The following TOP3B variants were observed in gnomAD, a reference collection of about 807,000 sequenced individuals.
The protein encoded by TOP3B is DNA topoisomerase III beta.
In TOP3B, 45 loss-of-function variants were observed where a neutral mutation model predicts 93.9. The observed-to-expected ratio is 0.48, with a 90% CI of 0.38 to 0.61. TOP3B has a LOEUF of 0.61. TOP3B is among the 20% of genes least tolerant of loss of function. The pLI is 0.00. For missense variants in TOP3B, 750 were observed against 1,156.1 expected (o/e 0.65, Z 5.09); for synonymous variants, 357 against 472.6 (o/e 0.76, Z 3.17).
At chr22:21,958,005 T>G (rs1389580991) in intron 17 of TOP3B, 1 of 1,334,730 alleles carries the variant, frequency 7.5e-7, no homozygotes, top group Non-Finnish European at 9.8e-7. Context: ...GACTGAGGCC[T>G]GAGGGAGCTT....
intron 9 of TOP3B, 147 bp from the exon 10 acceptor site, chr22:21,964,462 G>A: frequency 1.1e-6 from 1 of 913,236 alleles, no homozygotes; most frequent in Admixed American, 2.5e-5. Flanking sequence ...GGAGTGCAAA[G>A]CTGCTGGCCG....
In TOP3B at chr22:21,975,698, C is replaced by T. The variant is rs1282406394; in HGVS notation, c.12G>A (p.Val4=). The change falls in exon 2 of 18, where the codon GTG becomes GTA. Residue 4 remains valine (V), a synonymous_variant. Coordinates refer to ENST00000357179, the MANE Select transcript of TOP3B (RefSeq NM_001282112.2). The part of the protein sequence containing the change: MKT[V]LMVAEKPSLA... ...AGGACGGCTTTTCAGCAACCATGAG[C>T]ACAGTCTTCATTTTGTCTCGGTCCT... is the stretch of plus-strand genomic sequence containing the variant. 4 of 1,611,562 alleles carry T rather than the reference C, an allele frequency of 2.5e-6. No individual in the cohort carries two copies. The highest frequency in any genetic ancestry group is 3.4e-6 in the Non-Finnish European group (4 of 1,178,314).
At chr22:21,965,402 G>C in intron 8 of TOP3B, 27 bp from the exon 9 acceptor site, 1 of 1,528,226 alleles carries the variant, frequency 6.5e-7, no homozygotes, top group Non-Finnish European at 9.0e-7. Flanking sequence ...TCAATGATTT[G>C]GGGAAGGAGG....
chr22:21,968,986 CAG>C (rs2071525211), intron 6 of TOP3B: 2 of 565,178 alleles, frequency 3.5e-6, no homozygotes, highest in Admixed American at 6.1e-5. Context: ...AGAGAGGAGA[CAG>C]AGGTTTCTAC....
Position 21,959,725 on chromosome 22 carries a change from C to T in TOP3B, c.1666G>A (p.Val556Met). 1.2e-6 allele frequency: 2 copies of T among 1,612,932 alleles called. No individual in the cohort carries two copies. Among genetic ancestry groups the T allele is most frequent in the Non-Finnish European group, 1.7e-6 (2 of 1,179,774 alleles). ...ACTGCACTGCGGATGGTGGGGAGCA[C>T]CAGCTCTGCATCTGCAAGTGGGCAG... ...HGYYKIDAEL[V>M]LPTIRSAVEK... is the part of the protein sequence containing the mutation. Residue 556 changes from valine to methionine, a missense_variant, in exon 15 of 18, where the codon GTG becomes ATG. Physicochemically the swap from Val to Met is conservative, Grantham distance 21. Coordinates refer to ENST00000357179, the MANE Select transcript of TOP3B (RefSeq NM_001282112.2).
intron 15 of TOP3B, 160 bp from the exon 16 acceptor site, chr22:21,959,392 C>G: frequency 6.7e-7 from 1 of 1,482,794 alleles, no homozygotes; most frequent in South Asian, 1.4e-5. Flanking sequence ...GTCAGAGGCA[C>G]GTGTTCCTGG....
Position 21,972,056 on chromosome 22 carries a change from TCA to T in TOP3B, c.310-107_310-106del. On this transcript the variant is annotated intron_variant, in intron 4 of 17. Transcript: ENST00000357179. ...AGGGCTTGGTCCCAGGCCCTGAACCTCAGTTAGGAGGACTGGTACCTGGGCTG... is the reference window on the plus strand; with the variant it reads ...AGGGCTTGGTCCCAGGCCCTGAACCTGTTAGGAGGACTGGTACCTGGGCTG... 3.2e-6 allele frequency: 3 copies of T among 944,554 alleles called. No homozygotes were observed. In the East Asian group the frequency reaches 8.0e-5, roughly 25 times the overall value. The allele number at this position is 944,554 out of a possible 1,614,324, so 58.5% of individuals were successfully genotyped here. A position where few individuals can be genotyped will look rare whatever the true frequency, so the allele number is the denominator to read the frequency against.
intron 2 of TOP3B, 116 bp downstream of exon 2, chr22:21,975,524 A>C (rs1601860506): frequency 8.3e-7 from 1 of 1,208,356 alleles, no homozygotes; most frequent in Non-Finnish European, 1.1e-6. Context: ...CTTCATTACC[A>C]CCTGCCGACC....
intron 1 of TOP3B, among the ~76,000 whole-genome samples, chr22:21,978,653 C>T (rs11703249): frequency 0.043 from 6,489 of 152,116 alleles, 324 homozygotes; most frequent in East Asian, 0.22. Context: ...CACTTCAGGG[C>T]AGTTATCACC....
chr22:21,962,067 A>G, intron 13 of TOP3B: 1 of 1,159,282 alleles, frequency 8.6e-7, no homozygotes, highest in Non-Finnish European at 1.1e-6. Context: ...ACCTGATTTC[A>G]GGACAGCCCA....
chr22:21,973,609 T>G (rs2071739561), intron 3 of TOP3B: 2 of 151,932 alleles, frequency 1.3e-5, no homozygotes, highest in African/African-American at 4.8e-5. Context: ...CACCTGCCAG[T>G]TGGAGATAAA....
intron 10 of TOP3B, 46 bp downstream of exon 10, chr22:21,964,115 C>A (rs774666492): frequency 1.2e-6 from 2 of 1,612,076 alleles, no homozygotes; most frequent in Non-Finnish European, 1.7e-6. Flanking sequence ...GGTCCCAAGG[C>A]CTCAGTGACA....
chr22:21,979,511 T>C (rs1052162068), intron 1 of TOP3B, among the ~76,000 whole-genome samples: 4 of 152,006 alleles, frequency 2.6e-5, no homozygotes, highest in Non-Finnish European at 5.9e-5. Context: ...AGGGCAGCGC[T>C]GGAGTGGCCT....
rs185394680 is a variant in TOP3B, at chr22:21,962,793, A to G, written c.1305T>C (p.Ile435=). 69 of 1,613,488 alleles carry G rather than the reference A, an allele frequency of 4.3e-5. 1 individual carries two copies. The South Asian group carries it at 6.3e-4, about 15-fold the overall frequency. ...KYLQSTISFR[I]GPELFTCSGK... ...CGGAGCAGGTGAAGAGCTCGGGCCC[A>G]ATTCTGAAGGAGATGGTGCTCTGCA... Residue 435 remains isoleucine (I), a synonymous_variant, in exon 12 of 18, where the codon ATT becomes ATC. Coordinates refer to ENST00000357179, the MANE Select transcript of TOP3B (RefSeq NM_001282112.2).
At chr22:21,972,797 T>G (rs555658410) in intron 3 of TOP3B, 79 bp from the exon 4 acceptor site, 11 of 1,190,492 alleles carry the variant, frequency 9.2e-6, no homozygotes, top group Non-Finnish European at 1.4e-5. Context: ...GATGTTGGCC[T>G]CATCCCACAA....
At chr22:21,962,220 A>C in intron 13 of TOP3B, 1 of 1,497,200 alleles carries the variant, frequency 6.7e-7, no homozygotes, top group South Asian at 1.3e-5. Flanking sequence ...TTCACAGGGA[A>C]GGCCAGGTCC....
Position 21,970,989 on chromosome 22 carries a change from C to T in TOP3B, c.385-583G>A, listed in dbSNP as rs1400767417. 9 of 1,278,268 alleles carry T rather than the reference C, an allele frequency of 7.0e-6. No homozygotes were observed. The highest frequency in any genetic ancestry group is 4.8e-5 in the Admixed American group (2 of 41,402). 79.2% of individuals were successfully genotyped at this position (1,278,268 alleles called of 1,614,324 possible). ...TGGAGCCGAGACTCACTAGGAAGGC[C>T]GTGCAGTGGGACTAGGGTCGCCGCC... On this transcript the variant is annotated intron_variant, in intron 5 of 17. Transcript: ENST00000357179. This position sits in a 1 kb window ranked among gnomAD's most constrained non-coding sequence, Gnocchi z 4.4.
At chr22:21,979,681 C>T (rs2084575491) in intron 1 of TOP3B, among the ~76,000 whole-genome samples, 1 of 151,170 alleles carries the variant, frequency 6.6e-6, no homozygotes. Flanking sequence ...GTGGCTCACG[C>T]CTGTAATCCC....
rs564137069 is a variant in TOP3B at position 21,971,213 on chromosome 22, G to A, written c.384+664C>T. The A allele has an allele frequency of 2.6e-6, 1 of 381,638 alleles. No individual in the cohort carries two copies. Among genetic ancestry groups the A allele is most frequent in the Non-Finnish European group, 4.7e-6 (1 of 213,740 alleles). The allele number at this position is 381,638 out of a possible 1,614,324, so 23.6% of individuals were successfully genotyped here. A position where few individuals can be genotyped will look rare whatever the true frequency, so the allele number is the denominator to read the frequency against. On this transcript the variant is annotated intron_variant, in intron 5 of 17. Coordinates refer to ENST00000357179, the MANE Select transcript of TOP3B (RefSeq NM_001282112.2). This position sits in a 1 kb window ranked among gnomAD's most constrained non-coding sequence, Gnocchi z 4.6. ...TGAGGGTGCTGTACTGCAACGCCAG[G>A]TGCCTCAGCTCTGTCTCACTGACCA...
Sources: allele counts gnomAD v4.1 joint callset (sites outside exome capture counted in the v4.1 genomes callset), GRCh38; gene constraint gnomAD v4.1.1; non-coding constraint Gnocchi (gnomAD v3.1); transcripts MANE v1.5; gene names NCBI Gene and HGNC (gene_info 2026-07-23, HGNC 2026-07-21).